PCBP3: variants seen among roughly 807,000 people sequenced by gnomAD.
PCBP3 encodes the protein poly(rC) binding protein 3, also known as poly(rC)-binding protein 3.
Under a neutral mutation model 52.7 loss-of-function variants are expected in PCBP3, and 25 were observed. The ratio of observed to expected loss-of-function variants is 0.47; its 90% CI spans 0.35 to 0.66. The LOEUF (loss-of-function observed/expected upper bound fraction) is 0.66, where lower values mean the gene tolerates loss of function less well. Among genes scored for constraint, PCBP3 ranks in the 30% least tolerant of loss-of-function variants. PCBP3 has a pLI of 0.01. For missense variants in PCBP3, 391 were observed against 490.3 expected (o/e 0.80, Z 1.91); for synonymous variants, 162 against 183.0 (o/e 0.89, Z 0.93).
In PCBP3 at chr21:45,656,295, A is replaced by G. The variant is rs2080013847; in HGVS notation, c.-279+12427A>G. ...AAAGAAAATGTGGCACATATACACC[A>G]TGGAATACTATGCAGCCATAAAAAA... On this transcript the variant is annotated intron_variant, in intron 1 of 17. Transcript: ENST00000681687. The surrounding 1 kb of genome is among the most constrained non-coding windows in gnomAD (Gnocchi z 4.3). Among the ~76,000 whole-genome samples, 1 of 152,218 alleles carries G rather than the reference A, an allele frequency of 6.6e-6. No homozygotes were observed. Among genetic ancestry groups the G allele is most frequent in the Non-Finnish European group, 1.5e-5 (1 of 68,032 alleles).
intron 4 of PCBP3, among the ~76,000 whole-genome samples, chr21:45,823,719 GGT>G (rs1491040038): frequency 2.5e-5 from 2 of 80,136 alleles, no homozygotes; most frequent in African/African-American, 4.8e-5. Context: ...AGGCAAAGTA[GGT>G]GTTTTTTTTT....
chr21:45,840,562 T>G (rs1472453877), intron 4 of PCBP3, among the ~76,000 whole-genome samples: 2 of 151,944 alleles, frequency 1.3e-5, no homozygotes. Context: ...ATCTCTAAAG[T>G]CTACAGTAGT....
chr21:45,844,510 A>C (rs1300940304), intron 4 of PCBP3, among the ~76,000 whole-genome samples: 2 of 152,110 alleles, frequency 1.3e-5, no homozygotes, highest in African/African-American at 4.8e-5. Flanking sequence ...GCGTGGCTGG[A>C]GGATTTTGTG....
intron 4 of PCBP3, among the ~76,000 whole-genome samples, chr21:45,831,754 A>C (rs1034132008): frequency 6.6e-5 from 10 of 152,208 alleles, no homozygotes; most frequent in African/African-American, 2.4e-4. Context: ...TCTGTCGCCC[A>C]GGCTGGAGTG....
At chr21:45,727,923 G>A (rs146115097) in intron 2 of PCBP3, among the ~76,000 whole-genome samples, 122 of 152,136 alleles carry the variant, frequency 8.0e-4, no homozygotes, top group African/African-American at 2.9e-3. Context: ...CTATTCCATG[G>A]GTCAATTTAT....
rs1367964905 is a variant in PCBP3, at chr21:45,829,917, G to A, written c.-125-20044G>A. Reference sequence around the variant, plus strand: ...CATCCTGGCAATCTCACCATGCCATGGCAACTGCCAGTAACCTCAGCTTTC... The same window carrying A: ...CATCCTGGCAATCTCACCATGCCATAGCAACTGCCAGTAACCTCAGCTTTC... On this transcript the variant is annotated intron_variant, in intron 4 of 17. Transcript: ENST00000681687. This position sits in a 1 kb window ranked among gnomAD's most constrained non-coding sequence, Gnocchi z 5.2. The A allele has an allele frequency of 6.5e-6, 1 of 152,802 alleles. No homozygotes were observed. The highest frequency in any genetic ancestry group is 1.5e-5 in the Non-Finnish European group (1 of 68,178). 9.5% of individuals were successfully genotyped at this position (152,802 alleles called of 1,614,324 possible).
chr21:45,929,880 A>G, intron 13 of PCBP3, 37 bp from the exon 14 acceptor site: 1 of 1,520,286 alleles, frequency 6.6e-7, no homozygotes, highest in African/African-American at 1.4e-5. Flanking sequence ...ACTCGATGAC[A>G]ATAACCTTCT....
At chr21:45,935,446 C>A in intron 16 of PCBP3, 141 bp downstream of exon 16, 1 of 713,688 alleles carries the variant, frequency 1.4e-6, no homozygotes, top group Admixed American at 2.0e-5. Flanking sequence ...TGATCTGTGT[C>A]CTCCCTCCTT....
At chr21:45,712,246 A>G (rs1274705757) in intron 2 of PCBP3, among the ~76,000 whole-genome samples, 10 of 152,190 alleles carry the variant, frequency 6.6e-5, no homozygotes, top group Admixed American at 3.9e-4. Flanking sequence ...TAAGTTTTCA[A>G]TTCATTTGGG....
At chr21:45,768,555 T>A (rs1027863467) in intron 4 of PCBP3, among the ~76,000 whole-genome samples, 9 of 152,220 alleles carry the variant, frequency 5.9e-5, no homozygotes, top group African/African-American at 1.9e-4. Flanking sequence ...AGCTTCCTGG[T>A]AATTCAACTT....
rs1321231891 is a variant in PCBP3, at chr21:45,737,172, T to G, written c.-162+1743T>G. Among the ~76,000 whole-genome samples the G allele has an allele frequency of 1.3e-5, 2 of 151,928 alleles. No individual in the cohort carries two copies. Among genetic ancestry groups the G allele is most frequent in the Non-Finnish European group, 2.9e-5 (2 of 67,968 alleles). ...TGGGGCACATCAGGGGTCTCACAGG[T>G]CATCCCGAGGCTGCTCTCAGTCCAC... On this transcript the variant is annotated intron_variant, in intron 3 of 17. Coordinates refer to ENST00000681687, the MANE Select transcript of PCBP3 (RefSeq NM_001384156.1). The surrounding 1 kb of genome is among the most constrained non-coding windows in gnomAD (Gnocchi z 4.9).
intron 4 of PCBP3, among the ~76,000 whole-genome samples, chr21:45,765,383 T>G (rs1234911944): frequency 6.6e-6 from 1 of 152,162 alleles, no homozygotes; most frequent in African/African-American, 2.4e-5. Flanking sequence ...TTCATAAAAA[T>G]TATGGTCCTG....
intron 5 of PCBP3, among the ~76,000 whole-genome samples, chr21:45,876,967 G>A (rs2095274462): frequency 6.6e-6 from 1 of 152,244 alleles, no homozygotes; most frequent in African/African-American, 2.4e-5. Flanking sequence ...TGGCACACAG[G>A]AGAGAGCTCA....
At chr21:45,722,029 A>G (rs1201550602) in intron 2 of PCBP3, among the ~76,000 whole-genome samples, 1 of 152,240 alleles carries the variant, frequency 6.6e-6, no homozygotes, top group East Asian at 1.9e-4. Flanking sequence ...AGATAATCGG[A>G]TAAGCACTAA....
intron 3 of PCBP3, among the ~76,000 whole-genome samples, chr21:45,739,943 G>A (rs527299441): frequency 3.9e-4 from 59 of 152,322 alleles, no homozygotes; most frequent in Middle Eastern, 3.4e-3. Context: ...GTGCAGACTA[G>A]TCTCGTCTAA....
In PCBP3 at chr21:45,853,089, A is replaced by G. The variant is rs1476380787; in HGVS notation, c.10+2994A>G. Among the ~76,000 whole-genome samples, 2 of 152,202 alleles carry G rather than the reference A, an allele frequency of 1.3e-5. No homozygotes were observed. Among genetic ancestry groups the G allele is most frequent in the East Asian group, 3.9e-4 (2 of 5,192 alleles). Reference sequence around the variant, plus strand: ...CATTGGGAGCAGATGCGGAAAGTGCACATGCCGCTGGCCAGAGGGGGTGGG... The same window carrying G: ...CATTGGGAGCAGATGCGGAAAGTGCGCATGCCGCTGGCCAGAGGGGGTGGG... On this transcript the variant is annotated intron_variant, in intron 5 of 17. Coordinates refer to ENST00000681687, the MANE Select transcript of PCBP3 (RefSeq NM_001384156.1). This position sits in a 1 kb window ranked among gnomAD's most constrained non-coding sequence, Gnocchi z 4.6.
chr21:45,813,220 T>A (rs193135930), intron 4 of PCBP3, among the ~76,000 whole-genome samples: 38 of 152,366 alleles, frequency 2.5e-4, no homozygotes, highest in East Asian at 1.3e-3. Flanking sequence ...AGCTTTTTTT[T>A]ATCTATCTGT....
chr21:45,855,346 A>G (rs189998935), intron 5 of PCBP3, among the ~76,000 whole-genome samples: 52 of 152,178 alleles, frequency 3.4e-4, no homozygotes, highest in Non-Finnish European at 2.9e-4. Context: ...ATTCTCCCAC[A>G]CTCATCCCCA....
rs560988152 is a variant in PCBP3 at position 45,900,387 on chromosome 21, A to G, written c.190-204A>G. Among the ~76,000 whole-genome samples, 128 of 152,266 alleles carry G rather than the reference A, an allele frequency of 8.4e-4. 1 individual carries two copies. The highest frequency in any genetic ancestry group is 2.9e-3 in the African/African-American group (122 of 41,558). On this transcript the variant is annotated intron_variant, in intron 7 of 17. Transcript: ENST00000681687. ...GGGTGCACTTGCATTCCTGGGCCTC[A>G]GTTTCCCATCTGAAATGTCTGCCAG...
Sources: gnomAD v4.1 joint callset for allele counts (sites outside exome capture counted in the v4.1 genomes callset) on GRCh38, gnomAD v4.1.1 for gene constraint, Gnocchi (gnomAD v3.1) non-coding constraint, MANE v1.5 for transcripts, NCBI Gene and HGNC (gene_info 2026-07-23, HGNC 2026-07-21) for gene names.